Variants in LTN1 observed in about 807,000 individuals in gnomAD.
LTN1 encodes listerin E3 ubiquitin protein ligase 1, also known as E3 ubiquitin-protein ligase listerin.
Under a neutral mutation model 201.2 loss-of-function variants are expected in LTN1, and 88 were observed. The observed-to-expected ratio is 0.44, with a 90% confidence interval of 0.37 to 0.52. The LOEUF (loss-of-function observed/expected upper bound fraction) is 0.52. Ranked by LOEUF, LTN1 falls within the 20% of genes least tolerant of loss-of-function variation. The pLI is 0.00. For missense variants in LTN1, 1,752 were observed against 2,038.7 expected, an observed-to-expected ratio of 0.86 and a Z score of 2.71; for synonymous variants, 645 against 713.5, an observed-to-expected ratio of 0.90 and a Z score of 1.53.
At chr21:28,959,756 T>A in intron 12 of LTN1, 59 bp from the exon 13 acceptor site, 1 of 1,358,008 alleles carries the variant, frequency 7.4e-7, no homozygotes, top group Non-Finnish European at 9.9e-7. Context: ...TATTTTTAAA[T>A]ATCTTACTTT....
rs1309860080 is a variant in LTN1, at chr21:28,960,274, C to T, written c.2353+243G>A. Among the ~76,000 whole-genome samples the T allele has an allele frequency of 1.1e-4, 16 of 148,944 alleles. No homozygotes were observed. The East Asian group carries it at 3.2e-3, about 30-fold the overall frequency. On this transcript the variant is annotated intron_variant, in intron 12 of 29. Coordinates refer to ENST00000361371, the MANE Select transcript of LTN1 (RefSeq NM_015565.3). ...CCCAACTACTTGGGAAGCTGAGGCACAAGAATCACTTGAACTCAGATGTTG... is the reference window on the plus strand; with the variant it reads ...CCCAACTACTTGGGAAGCTGAGGCATAAGAATCACTTGAACTCAGATGTTG...
At chr21:28,932,000 T>TA (rs397946681) in intron 28 of LTN1, among the ~76,000 whole-genome samples, 4,467 of 147,014 alleles carry the variant, frequency 0.03, 220 homozygotes, top group African/African-American at 0.1. Flanking sequence ...CAAAAACTCT[T>TA]AAAAAAAAAA....
At chr21:28,974,269 T>C (rs959655745) in intron 6 of LTN1, among the ~76,000 whole-genome samples, 3 of 152,238 alleles carry the variant, frequency 2.0e-5, no homozygotes, top group African/African-American at 7.2e-5. Flanking sequence ...TCATTCATCA[T>C]ACTTTTATCT....
intron 1 of LTN1, 59 bp downstream of exon 1, chr21:28,992,705 G>T: frequency 6.3e-7 from 1 of 1,599,110 alleles, no homozygotes; most frequent in South Asian, 1.1e-5. Context: ...CAACGCGCTG[G>T]GCGGAGCCAG....
intron 16 of LTN1, among the ~76,000 whole-genome samples, chr21:28,954,809 A>G (rs1038862838): frequency 1.3e-5 from 2 of 152,214 alleles, no homozygotes; most frequent in East Asian, 3.8e-4. Flanking sequence ...AGAGACTTAA[A>G]CCTAAGAACT....
intron 4 of LTN1, among the ~76,000 whole-genome samples, chr21:28,983,421 T>C (rs751820074): frequency 7.5e-4 from 114 of 152,350 alleles, no homozygotes; most frequent in Admixed American, 5.2e-4. Flanking sequence ...ATGATTCTTA[T>C]GCTACAGATG....
Position 28,932,623 on chromosome 21 carries a change from A to G in LTN1, c.4917T>C (p.Tyr1639=), listed in dbSNP as rs373987554. The change falls in exon 28 of 30, where the codon TAT becomes TAC. Residue 1639 remains tyrosine, a synonymous_variant. Transcript: ENST00000361371. ...RATTREVMAT[Y]TIEDIVIELI... ...GTTCAATAACTATGTCCTCAATAGT[A>G]TAAGTAGCCATTACCTCTCGAGTAG... 2.0e-5 allele frequency: 33 copies of G among 1,613,256 alleles called. No homozygotes were observed. Among genetic ancestry groups the G allele is most frequent in the African/African-American group, 4.0e-5 (3 of 74,894 alleles).
intron 5 of LTN1, among the ~76,000 whole-genome samples, chr21:28,981,955 T>C (rs1448311729): frequency 6.6e-6 from 1 of 152,174 alleles, no homozygotes; most frequent in Non-Finnish European, 1.5e-5. Context: ...TGGCTCATGC[T>C]TGTAATGCCA....
At chr21:28,952,564 T>C (rs2084391449) in intron 17 of LTN1, among the ~76,000 whole-genome samples, 2 of 152,188 alleles carry the variant, frequency 1.3e-5, no homozygotes, top group African/African-American at 2.4e-5. Context: ...CCAGAGGCTG[T>C]AGCTGGGAAA....
In LTN1 at chr21:28,967,085, G is replaced by T. The variant is rs1042117643; in HGVS notation, c.1406C>A (p.Ala469Asp). Reference sequence around the variant, plus strand: ...TTCATCTTTTTCCGTGTCTGCTTTGGCTTCCCAGGAACTTAGAGTTTCTGC... The same window carrying T: ...TTCATCTTTTTCCGTGTCTGCTTTGTCTTCCCAGGAACTTAGAGTTTCTGC... ...HLAETLSSWE[A>D]KADTEKDEKT... The change falls in exon 10 of 30, where the codon GCC becomes GAC. Residue 469 changes from alanine to aspartate, a missense_variant. Ala to Asp is a moderately radical substitution (Grantham distance 126, BLOSUM62 -2). Coordinates refer to ENST00000361371, the MANE Select transcript of LTN1 (RefSeq NM_015565.3). The T allele has an allele frequency of 3.1e-6, 5 of 1,614,040 alleles. No individual in the cohort carries two copies. The highest frequency in any genetic ancestry group is 4.2e-6 in the Non-Finnish European group (5 of 1,179,996).
intron 27 of LTN1, among the ~76,000 whole-genome samples, 187 bp from the exon 28 acceptor site, chr21:28,932,851 A>C (rs1319953243): frequency 1.3e-5 from 2 of 152,234 alleles, no homozygotes; most frequent in African/African-American, 2.4e-5. Flanking sequence ...TTTTACAGTG[A>C]TTTTGTGATA....
chr21:28,942,030 T>C (rs751027165), intron 24 of LTN1, among the ~76,000 whole-genome samples: 34 of 152,238 alleles, frequency 2.2e-4, no homozygotes, highest in Non-Finnish European at 7.3e-5. Flanking sequence ...GGTGAACTTA[T>C]GAGATTCTCA....
chr21:28,954,270 G>A (rs1345813625), intron 16 of LTN1, among the ~76,000 whole-genome samples: 2 of 152,174 alleles, frequency 1.3e-5, no homozygotes, highest in Admixed American at 1.3e-4. Flanking sequence ...CCCAAAAGAG[G>A]TGTTTCAACT....
At chr21:28,958,299 T>C (rs527969147) in intron 14 of LTN1, 87 bp downstream of exon 14, 2 of 1,250,730 alleles carry the variant, frequency 1.6e-6, no homozygotes, top group African/African-American at 1.6e-5. Context: ...TCATTTTTCA[T>C]AGGCACTCAC....
chr21:28,957,336 A>G lies in LTN1; in HGVS notation c.2888T>C (p.Met963Thr). The G allele has an allele frequency of 6.3e-7, 1 of 1,587,652 alleles. No homozygotes were observed. The highest frequency in any genetic ancestry group is 2.2e-5 in the East Asian group (1 of 44,554). ...ACTCTTCAATTTCCAAAATACCTGC[A>G]TAGGAAGAGACTGCCTCATCTTTTC... ...EWEKMRQSLP[M>T]QWLHRPLLEG... Residue 963 changes from methionine to threonine, a missense_variant, in exon 15 of 30, where the codon ATG (methionine) becomes ACG (threonine). Physicochemically the swap from Met to Thr is moderately conservative, Grantham distance 81. Transcript: ENST00000361371.
At position 28,960,843 on chromosome 21, in the gene LTN1, T is replaced by C. The variant is rs1315541218; in HGVS notation, c.2164-137A>G. The C allele has an allele frequency of 9.8e-6, 6 of 613,212 alleles. No homozygotes were observed. The Admixed American group carries it at 1.8e-4, about 18-fold the overall frequency. 38.0% of individuals were successfully genotyped at this position (613,212 alleles called of 1,614,324 possible). ...TCCCCCCTCCTCCTCCTCCTGAAGT[T>C]CTAGGAAGACTGGTATCCTCCCTGT... On this transcript the variant is annotated intron_variant, in intron 11 of 29. Coordinates refer to ENST00000361371, the MANE Select transcript of LTN1 (RefSeq NM_015565.3).
At position 28,981,548 on chromosome 21, in the gene LTN1, G is replaced by A. The variant is rs140421541; in HGVS notation, c.630-249C>T. ...CTTGCAATAAGTGAGAAAGTATACC[G>A]CTCTCGGTAGCATGTACAAGGGTGA... On this transcript the variant is annotated intron_variant, in intron 5 of 29. Coordinates refer to ENST00000361371, the MANE Select transcript of LTN1 (RefSeq NM_015565.3). Among the ~76,000 whole-genome samples, 42 of 152,154 alleles carry A rather than the reference G, an allele frequency of 2.8e-4. No homozygotes were observed. The East Asian group carries it at 6.6e-3, about 24-fold the overall frequency.
intron 14 of LTN1, among the ~76,000 whole-genome samples, chr21:28,958,137 G>A (rs969951058): frequency 5.3e-5 from 8 of 152,154 alleles, no homozygotes; most frequent in Non-Finnish European, 1.2e-4. Context: ...CTGTAGATTT[G>A]TTACCTAACA....
intron 11 of LTN1, chr21:28,964,916 A>G (rs2146296179): frequency 1.0e-6 from 1 of 989,212 alleles, no homozygotes; most frequent in African/African-American, 1.6e-5. Context: ...ACTAAGGCAA[A>G]TAGTGTGCCT....
Sources: allele counts gnomAD v4.1 joint callset (sites outside exome capture counted in the v4.1 genomes callset), GRCh38; gene constraint gnomAD v4.1.1; transcripts MANE v1.5; gene names NCBI Gene and HGNC (gene_info 2026-07-23, HGNC 2026-07-21).